The following SRCIN1 variants were observed in gnomAD, a reference collection of about 807,000 sequenced individuals.
The protein encoded by SRCIN1 is P130Cas-associated protein.
Under a neutral mutation model 116.2 loss-of-function variants are expected in SRCIN1, and 50 were observed. That is an observed-to-expected ratio of 0.43 (90% confidence interval 0.34 to 0.54). The LOEUF is 0.54. SRCIN1 is among the 20% of genes least tolerant of loss of function. The pLI is 0.02. For synonymous variants in SRCIN1, 736 were observed against 750.0 expected (o/e 0.98, Z 0.30); for missense variants, 1,446 against 1,672.0 (o/e 0.86, Z 2.36).
At chr17:38,571,664 C>T (rs923189229) in intron 2 of SRCIN1, among the ~76,000 whole-genome samples, 1 of 152,104 alleles carries the variant, frequency 6.6e-6, no homozygotes, top group Non-Finnish European at 1.5e-5. Flanking sequence ...GGGGAGACCC[C>T]GGCAGGGGCA....
At position 38,558,271 on chromosome 17, in the gene SRCIN1, C is replaced by G; in HGVS notation, c.2157G>C (p.Arg719=). ...QRQRTLVEEE[R]LRYLNDEELI... ...GCTCCTCGTCGTTGAGATAGCGCAG[C>G]CGTTCCTCTTCCACCAGGGTGCGCT... Residue 719 remains arginine (R), a synonymous_variant, in exon 11 of 19, where the codon CGG becomes CGC. Transcript: ENST00000617146. This position sits in a 1 kb window ranked among gnomAD's most constrained non-coding sequence, Gnocchi z 4.6. 1.2e-6 allele frequency: 2 copies of G among 1,612,868 alleles called. No individual in the cohort carries two copies. Among genetic ancestry groups the G allele is most frequent in the Non-Finnish European group, 1.7e-6 (2 of 1,179,696 alleles).
chr17:38,561,711 G>A lies in SRCIN1; in HGVS notation c.1452C>T (p.Pro484=). Residue 484 remains proline (P), a synonymous_variant, in exon 7 of 19, where the codon CCC becomes CCT. Transcript: ENST00000617146. ...SPQKLADVAA[P]PGGPPPPHSP... is the part of the protein sequence containing the mutation. ...TGTGCGGTGGCGGGGGACCTCCGGG[G>A]GGTGCTGCCACGTCGGCCAGCTTCT... is the stretch of plus-strand genomic sequence containing the variant. 6.5e-7 allele frequency: 1 copy of A among 1,537,062 alleles called. No individual in the cohort carries two copies. Among genetic ancestry groups the A allele is most frequent in the Admixed American group, 1.9e-5 (1 of 51,528 alleles).
chr17:38,553,006 G>A (rs781678669), intron 11 of SRCIN1, among the ~76,000 whole-genome samples, 151 bp from the exon 12 acceptor site: 1 of 152,228 alleles, frequency 6.6e-6, no homozygotes, highest in East Asian at 1.9e-4. Flanking sequence ...CGTAATCTCA[G>A]TACTTTGGGA....
intron 1 of SRCIN1, among the ~76,000 whole-genome samples, chr17:38,591,710 C>T (rs1908453657): frequency 6.6e-6 from 1 of 152,194 alleles, no homozygotes. Flanking sequence ...CTGACTCCTC[C>T]TGCCTGGAAG....
Position 38,530,295 on chromosome 17 carries a change from CCCCCTGGGGA to C in SRCIN1, c.*2992_*3001del, listed in dbSNP as rs2040902187. 4 of 151,992 alleles carry C rather than the reference CCCCCTGGGGA, an allele frequency of 2.6e-5. No individual in the cohort carries two copies. Among genetic ancestry groups the C allele is most frequent in the Non-Finnish European group, 4.4e-5 (3 of 68,004 alleles). 9.4% of individuals were successfully genotyped at this position (151,992 alleles called of 1,614,324 possible). On this transcript the variant is annotated 3_prime_UTR_variant, in exon 19 of 19. Transcript: ENST00000617146. ...TGGAGCCGGGGCTCACCCCGGGGGGCCCCCTGGGGACCCCACTCAGAGCCTCAGGCCTGAG... is the reference window on the plus strand; with the variant it reads ...TGGAGCCGGGGCTCACCCCGGGGGGCCCCCACTCAGAGCCTCAGGCCTGAG...
Position 38,583,549 on chromosome 17 carries a change from T to TTTTTTG in SRCIN1, c.23-4759_23-4758insCAAAAA, listed in dbSNP as rs1491249472. On this transcript the variant is annotated intron_variant, in intron 1 of 18. Transcript: ENST00000617146. ...GTTGTTTTCTTTTTTTCATTTTCTG[T>TTTTTTG]TTTTTTTTTTTTTTTTTTTTTGAGA... Among the ~76,000 whole-genome samples, 30 of 91,812 alleles carry TTTTTTG rather than the reference T, an allele frequency of 3.3e-4. 1 individual carries two copies. Among genetic ancestry groups the TTTTTTG allele is most frequent in the African/African-American group, 1.4e-3 (19 of 13,208 alleles). The allele number at this position is 91,812 out of a possible 152,430, so 60.2% of individuals were successfully genotyped here. A position where few individuals can be genotyped will look rare whatever the true frequency, so the allele number is the denominator to read the frequency against.
At chr17:38,595,626 C>T (rs1313200615) in intron 1 of SRCIN1, among the ~76,000 whole-genome samples, 3 of 152,180 alleles carry the variant, frequency 2.0e-5, no homozygotes, top group Non-Finnish European at 4.4e-5. Flanking sequence ...CAAAATGGTC[C>T]CATCTTCTCC....
In SRCIN1 at chr17:38,564,108, C is replaced by A; in HGVS notation, c.541+10G>T. 1 of 1,585,042 alleles carries A rather than the reference C, an allele frequency of 6.3e-7. No individual in the cohort carries two copies. The highest frequency in any genetic ancestry group is 8.6e-7 in the Non-Finnish European group (1 of 1,168,258). On this transcript the variant is annotated intron_variant, in intron 4 of 18. Transcript: ENST00000617146. ...GTGTGGGGAGGGAGGGTGGACTGGGCGGGCAGTACCTGGGGAGCGCAGCTT... is the reference window on the plus strand; with the variant it reads ...GTGTGGGGAGGGAGGGTGGACTGGGAGGGCAGTACCTGGGGAGCGCAGCTT...
At chr17:38,535,458 C>T (rs772803760) in intron 18 of SRCIN1, among the ~76,000 whole-genome samples, 1 of 152,158 alleles carries the variant, frequency 6.6e-6, no homozygotes, top group Non-Finnish European at 1.5e-5. Flanking sequence ...CTGCCCACCT[C>T]GGCCTCCCAA....
At position 38,561,901 on chromosome 17, in the gene SRCIN1, G is replaced by A; in HGVS notation, c.1262C>T (p.Pro421Leu). ...GCGCTTGTAGAGGCCGCCGGCGCCC[G>A]GGTAGGCGAACGGGTCGCCGGCGGC... ...AAAAGDPFAY[P>L]GAGGLYKRGS... The change falls in exon 7 of 19, where the codon CCG (proline) becomes CTG (leucine). Residue 421 changes from proline (P) to leucine (L), a missense_variant. Pro to Leu is a moderately conservative substitution (Grantham distance 98). Transcript: ENST00000617146. 6.9e-7 allele frequency: 1 copy of A among 1,445,710 alleles called. No individual in the cohort carries two copies. The highest frequency in any genetic ancestry group is 2.8e-5 in the East Asian group (1 of 35,226). The allele number at this position is 1,445,710 out of a possible 1,614,324, so 89.6% of individuals were successfully genotyped here. A position where few individuals can be genotyped will look rare whatever the true frequency, so the allele number is the denominator to read the frequency against.
At chr17:38,557,270 C>T (rs1329129512) in intron 11 of SRCIN1, among the ~76,000 whole-genome samples, 1 of 152,224 alleles carries the variant, frequency 6.6e-6, no homozygotes, top group African/African-American at 2.4e-5. Context: ...CAAGGAGCAG[C>T]CTCTCCTGGC....
At position 38,559,625 on chromosome 17, in the gene SRCIN1, C is replaced by T. The variant is rs766524389; in HGVS notation, c.1985G>A (p.Ser662Asn). ...LHLRGLQNSA[S>N]DLRGQLQQLR... ...CTGCTGGAGCTGGCCGCGCAAGTCA[C>T]TGGCGCTGTTCTGCAGGCCTCGCAG... Residue 662 changes from serine (S) to asparagine (N), a missense_variant, in exon 10 of 19, where the codon AGT becomes AAT. Physicochemically the swap from Ser to Asn is conservative, Grantham distance 46. Around this residue, in one of 5 missense-constraint regions of SRCIN1, gnomAD observed 398 missense variants for 385.6 expected, o/e 1.03. Transcript: ENST00000617146. 3 of 1,603,186 alleles carry T rather than the reference C, an allele frequency of 1.9e-6. No homozygotes were observed. The South Asian group carries it at 3.3e-5, about 18-fold the overall frequency.
At chr17:38,596,535 G>A (rs1908740771) in intron 1 of SRCIN1, among the ~76,000 whole-genome samples, 2 of 152,142 alleles carry the variant, frequency 1.3e-5, no homozygotes, top group African/African-American at 4.8e-5. Context: ...ACTTTACTGA[G>A]GTGCCCAACC....
At chr17:38,548,978 C>A in intron 16 of SRCIN1, 78 bp downstream of exon 16, 2 of 1,505,884 alleles carry the variant, frequency 1.3e-6, no homozygotes, top group Non-Finnish European at 1.8e-6. Flanking sequence ...CTTTCCCACC[C>A]CAGAGGGCCT....
chr17:38,554,425 GC>G (rs1905654794), intron 11 of SRCIN1, among the ~76,000 whole-genome samples: 1 of 152,048 alleles, frequency 6.6e-6, no homozygotes, highest in Non-Finnish European at 1.5e-5. Context: ...TCTTTATAAT[GC>G]TGTTTTCTCT....
chr17:38,552,800 G>A lies in SRCIN1; in HGVS notation c.2257C>T (p.Leu753=), dbSNP rs374219981. Residue 753 remains leucine (L), a synonymous_variant, in exon 12 of 19, where the codon CTG becomes TTG. Transcript: ENST00000617146. The surrounding 1 kb of genome is among the most constrained non-coding windows in gnomAD (Gnocchi z 5.3). The part of the protein sequence containing the change: ...IQRDVSHNHR[L]VPGPELEEKA... ...TCCTCCAGCTCAGGGCCGGGCACCA[G>A]CCGGTGGTTGTGGGACACGTCTCTC... 42 of 1,613,884 alleles carry A rather than the reference G, an allele frequency of 2.6e-5. No individual in the cohort carries two copies. In the African/African-American group the frequency reaches 5.1e-4, roughly 19 times the overall value.
upstream of SRCIN1, among the ~76,000 whole-genome samples, chr17:38,606,620 A>C (rs564944184): frequency 8.4e-4 from 128 of 152,074 alleles, no homozygotes; most frequent in African/African-American, 3.0e-3. The surrounding 1 kb of genome is among the most constrained non-coding windows in gnomAD (Gnocchi z 5.2). Flanking sequence ...GTGAGACCCC[A>C]CCGTAGGACG....
Position 38,566,838 on chromosome 17 carries a change from G to GTGTTTTGTTTTGTTTTGTTT in SRCIN1, c.345+1353_345+1372dup, listed in dbSNP as rs71138632. Among the ~76,000 whole-genome samples the GTGTTTTGTTTTGTTTTGTTT allele has an allele frequency of 3.8e-3, 557 of 147,584 alleles. 3 individuals carry two copies. The highest frequency in any genetic ancestry group is 0.014 in the African/African-American group (541 of 39,808). On this transcript the variant is annotated intron_variant, in intron 3 of 18. Transcript: ENST00000617146. Reference sequence around the variant, plus strand: ...CACTGCCTGGAACATGCATCCTCTCGTGTTTTGTTTTGTTTTGTTTTGTTT... The same window carrying GTGTTTTGTTTTGTTTTGTTT: ...CACTGCCTGGAACATGCATCCTCTCGTGTTTTGTTTTGTTTTGTTTTGTTTTGTTTTGTTTTGTTTTGTTT...
At chr17:38,586,259 A>G (rs948140499) in intron 1 of SRCIN1, among the ~76,000 whole-genome samples, 1 of 152,226 alleles carries the variant, frequency 6.6e-6, no homozygotes, top group African/African-American at 2.4e-5. Context: ...AAGAGGGTCG[A>G]GGCCAGGGAG....
Sources: gnomAD v4.1 joint callset for allele counts (sites outside exome capture counted in the v4.1 genomes callset) on GRCh38, gnomAD v4.1.1 for gene constraint, gnomAD v4.1.1 regional missense constraint, Gnocchi (gnomAD v3.1) non-coding constraint, MANE v1.5 for transcripts, NCBI Gene and HGNC (gene_info 2026-07-23, HGNC 2026-07-21) for gene names.